MDGA2: variants seen among roughly 807,000 people sequenced by gnomAD.
MDGA2 encodes MAM domain-containing glycosylphosphatidylinositol anchor protein 2.
In MDGA2, 40 loss-of-function variants were observed where a neutral mutation model predicts 117.8. That is an observed-to-expected ratio of 0.34 (90% CI 0.26 to 0.44). The LOEUF (loss-of-function observed/expected upper bound fraction) is 0.44, where lower values mean the gene tolerates loss of function less well. MDGA2 is among the 20% of genes least tolerant of loss of function. MDGA2 has a pLI of 1.00. For missense variants in MDGA2, 1,123 were observed against 1,250.6 expected (o/e 0.90, Z 1.54); for synonymous variants, 452 against 439.0 (o/e 1.03, Z -0.37).
rs3039661 is a variant in MDGA2 at position 47,549,343 on chromosome 14, A to ATCTCTC, written c.280+125168_280+125173dup. ...CATGTTGATAGGTTTCACCAGTATT[A>ATCTCTC]TCTCTCTCTCTCTCTCTCTCTCTCT... On this transcript the variant is annotated intron_variant, in intron 1 of 16. Coordinates refer to ENST00000399232, the MANE Select transcript of MDGA2 (RefSeq NM_001113498.3). 6.8e-3 allele frequency among the ~76,000 whole-genome samples: 952 copies of ATCTCTC among 140,212 alleles called. 14 individuals are homozygous for ATCTCTC. The highest frequency in any genetic ancestry group is 0.02 in the South Asian group (87 of 4,330). The allele number at this position is 140,212 out of a possible 152,430, so 92.0% of individuals were successfully genotyped here.
chr14:47,200,916 TGTG>T, intron 3 of MDGA2: 1 of 848,568 alleles, frequency 1.2e-6, no homozygotes, highest in Non-Finnish European at 2.0e-6. Flanking sequence ...CGCTTGGTCT[TGTG>T]GGGCAGCAAG....
At chr14:46,996,169 T>C (rs1212066654) in intron 8 of MDGA2, among the ~76,000 whole-genome samples, 2 of 152,166 alleles carry the variant, frequency 1.3e-5, no homozygotes, top group Non-Finnish European at 2.9e-5. Context: ...GTCTAAGTTT[T>C]GCCATTGCTT....
intron 6 of MDGA2, among the ~76,000 whole-genome samples, chr14:47,066,839 T>C (rs1890101614): frequency 2.6e-5 from 4 of 152,136 alleles, no homozygotes; most frequent in Non-Finnish European, 5.9e-5. Context: ...AAACAAAGTG[T>C]AGGCCAGGTG....
intron 2 of MDGA2, among the ~76,000 whole-genome samples, chr14:47,229,761 G>A (rs1353585160): frequency 6.6e-6 from 1 of 151,440 alleles, no homozygotes; most frequent in Non-Finnish European, 1.5e-5. Flanking sequence ...AATCACAGCT[G>A]AATCATCAGT....
intron 1 of MDGA2, among the ~76,000 whole-genome samples, chr14:47,304,717 C>T (rs1889387786): frequency 6.6e-6 from 1 of 152,108 alleles, no homozygotes. Context: ...GAGTCCTAAT[C>T]GCTGTGCATG....
intron 3 of MDGA2, among the ~76,000 whole-genome samples, chr14:47,156,187 C>T (rs548139474): frequency 6.6e-6 from 1 of 152,054 alleles, no homozygotes; most frequent in East Asian, 1.9e-4. Context: ...GAATTATAGG[C>T]ATAAGCCATC....
At chr14:47,374,732 C>T (rs977417909) in intron 1 of MDGA2, among the ~76,000 whole-genome samples, 3 of 151,938 alleles carry the variant, frequency 2.0e-5, no homozygotes, top group Admixed American at 2.0e-4. Flanking sequence ...ATTTCTTTCT[C>T]AAACGGATGA....
chr14:47,569,190 A>G (rs925284265), intron 1 of MDGA2, among the ~76,000 whole-genome samples: 1 of 152,230 alleles, frequency 6.6e-6, no homozygotes, highest in African/African-American at 2.4e-5. Flanking sequence ...TGATAATCAG[A>G]GATCTTATAT....
intron 1 of MDGA2, among the ~76,000 whole-genome samples, chr14:47,305,573 G>A (rs1218271901): frequency 5.3e-5 from 8 of 152,088 alleles, no homozygotes; most frequent in Non-Finnish European, 1.2e-4. Flanking sequence ...TGGAGAAATA[G>A]TACAAATAAA....
chr14:47,410,416 C>T (rs1892348171), intron 1 of MDGA2, among the ~76,000 whole-genome samples: 1 of 152,000 alleles, frequency 6.6e-6, no homozygotes, highest in Non-Finnish European at 1.5e-5. Context: ...CTAATTTGAT[C>T]CTGGTATTTG....
At chr14:47,561,353 C>T (rs1005465536) in intron 1 of MDGA2, among the ~76,000 whole-genome samples, 3 of 151,612 alleles carry the variant, frequency 2.0e-5, no homozygotes, top group African/African-American at 7.3e-5. Flanking sequence ...TTGAATCTTC[C>T]CATCCATGAG....
chr14:47,008,569 T>C (rs1052271413), intron 8 of MDGA2, among the ~76,000 whole-genome samples: 26 of 151,902 alleles, frequency 1.7e-4, no homozygotes, highest in African/African-American at 6.0e-4. Flanking sequence ...TTAAATCCTT[T>C]ATGGGATTTG....
intron 1 of MDGA2, among the ~76,000 whole-genome samples, chr14:47,595,547 C>CA (rs777715271): frequency 0.027 from 1,879 of 68,594 alleles, 48 homozygotes; most frequent in African/African-American, 0.067. Context: ...AACCAAAAAA[C>CA]AAAAAAAAAC....
chr14:47,057,440 A>C lies in MDGA2; in HGVS notation c.1525+3809T>G, dbSNP rs534233766. 2.6e-4 allele frequency among the ~76,000 whole-genome samples: 40 copies of C among 152,230 alleles called. 2 individuals carry two copies. The South Asian group carries it at 7.9e-3, about 30-fold the overall frequency. ...AGTGTATATGTAGCAATAACACAGGAAAGAAATCTAAAGGAAACACTAATT... is the reference window on the plus strand; with the variant it reads ...AGTGTATATGTAGCAATAACACAGGCAAGAAATCTAAAGGAAACACTAATT... On this transcript the variant is annotated intron_variant, in intron 7 of 16. Transcript: ENST00000399232.
At chr14:47,218,248 A>T in intron 2 of MDGA2, 53 bp from the exon 3 acceptor site, 1 of 1,418,212 alleles carries the variant, frequency 7.1e-7, no homozygotes, top group South Asian at 1.5e-5. Context: ...CCCACAGAGA[A>T]ATCAAATAGC....
At chr14:46,850,072 A>G (rs1362740375) in intron 15 of MDGA2, among the ~76,000 whole-genome samples, 1 of 151,930 alleles carries the variant, frequency 6.6e-6, no homozygotes, top group Non-Finnish European at 1.5e-5. Context: ...CAGTGTGTTC[A>G]TGCAACTTCG....
At chr14:46,994,640 T>C (rs1887220067) in intron 8 of MDGA2, among the ~76,000 whole-genome samples, 1 of 152,112 alleles carries the variant, frequency 6.6e-6, no homozygotes, top group Non-Finnish European at 1.5e-5. Flanking sequence ...TTTTAATAAC[T>C]TACTGTCAGT....
At position 47,218,264 on chromosome 14, in the gene MDGA2, C is replaced by T; in HGVS notation, c.421-69G>A. The T allele has an allele frequency of 2.2e-6, 3 of 1,347,704 alleles. No homozygotes were observed. The African/African-American group carries it at 4.4e-5, about 20-fold the overall frequency. The allele number at this position is 1,347,704 out of a possible 1,614,324, so 83.5% of individuals were successfully genotyped here. On this transcript the variant is annotated intron_variant, in intron 2 of 16. Coordinates refer to ENST00000399232, the MANE Select transcript of MDGA2 (RefSeq NM_001113498.3). The stretch of plus-strand genomic sequence containing the variant: ...CCACAGAGAAATCAAATAGCAATCA[C>T]TCATTTGAAGAGTTTGCATTTAGAG...
intron 3 of MDGA2, among the ~76,000 whole-genome samples, chr14:47,161,712 G>T (rs1040646646): frequency 6.6e-6 from 1 of 151,264 alleles, no homozygotes; most frequent in Non-Finnish European, 1.5e-5. Context: ...ACCCTCTGCT[G>T]CCCACATCCT....
Sources: allele counts gnomAD v4.1 joint callset (sites outside exome capture counted in the v4.1 genomes callset), GRCh38; gene constraint gnomAD v4.1.1; transcripts MANE v1.5; gene names NCBI Gene and HGNC (gene_info 2026-07-23, HGNC 2026-07-21).